The following WDFY3 variants were observed in gnomAD, a reference collection of about 807,000 sequenced individuals.
The protein encoded by WDFY3 is WD repeat and FYVE domain-containing protein 3.
A neutral mutation model predicts 409.6 loss-of-function variants in WDFY3; 66 were observed. The observed-to-expected ratio is 0.16, with a 90% confidence interval of 0.13 to 0.20. The LOEUF is 0.20. Among genes scored for constraint, WDFY3 ranks in the 10% least tolerant of loss-of-function variants. The pLI, the probability that WDFY3 is intolerant of heterozygous loss-of-function variation, is 1.00. For synonymous variants in WDFY3, 1,521 were observed against 1,537.1 expected, an observed-to-expected ratio of 0.99 and a Z score of 0.25; for missense variants, 3,031 against 4,298.1, an observed-to-expected ratio of 0.71 and a Z score of 8.24.
chr4:84,696,313 CTTAT>C (rs1479921461), intron 57 of WDFY3, 131 bp from the exon 58 acceptor site: 244 of 811,002 alleles, frequency 3.0e-4, no homozygotes, highest in Middle Eastern at 1.6e-3. Context: ...GTATTCCCCT[CTTAT>C]TTGTGGTTTC....
chr4:84,915,247 T>C (rs192755778), intron 2 of WDFY3, among the ~76,000 whole-genome samples: 34 of 152,320 alleles, frequency 2.2e-4, no homozygotes, highest in Admixed American at 5.2e-4. Context: ...CGGAAATAGA[T>C]AGTGGTGATG....
At chr4:84,868,979 TA>T (rs1578898196) in intron 3 of WDFY3, among the ~76,000 whole-genome samples, 2 of 152,348 alleles carry the variant, frequency 1.3e-5, no homozygotes, top group East Asian at 3.9e-4. Context: ...AGGATTCTTG[TA>T]ACGCAATACT....
intron 4 of WDFY3, among the ~76,000 whole-genome samples, chr4:84,856,668 C>T (rs1759801644): frequency 6.6e-6 from 1 of 152,094 alleles, no homozygotes. Flanking sequence ...ATTTCCCAAC[C>T]CATGTCTCTC....
At chr4:84,752,863 T>C (rs560895586) in intron 35 of WDFY3, among the ~76,000 whole-genome samples, 2 of 152,354 alleles carry the variant, frequency 1.3e-5, no homozygotes, top group Non-Finnish European at 2.9e-5. Context: ...AAACCTGTTT[T>C]ATGTTTACAG....
intron 35 of WDFY3, 121 bp downstream of exon 35, chr4:84,753,576 A>G: frequency 8.4e-7 from 1 of 1,188,696 alleles, no homozygotes; most frequent in South Asian, 2.1e-5. Flanking sequence ...AAAGTTATGA[A>G]ACTGTAACTT....
intron 5 of WDFY3, among the ~76,000 whole-genome samples, chr4:84,846,609 T>C (rs989164533): frequency 6.7e-6 from 1 of 148,730 alleles, no homozygotes; most frequent in African/African-American, 2.5e-5. Context: ...TAATCTAGTA[T>C]GTCATTCAAG....
intron 2 of WDFY3, among the ~76,000 whole-genome samples, chr4:84,903,132 AAG>A (rs1766564766): frequency 6.6e-6 from 1 of 152,204 alleles, no homozygotes; most frequent in African/African-American, 2.4e-5. Context: ...GGTCAGAAAA[AAG>A]AGAGTATCAG....
chr4:84,905,800 C>T (rs1200204195), intron 2 of WDFY3, among the ~76,000 whole-genome samples: 1 of 152,156 alleles, frequency 6.6e-6, no homozygotes, highest in African/African-American at 2.4e-5. Flanking sequence ...CAGACATCTC[C>T]AGGCATGCTT....
chr4:84,813,154 G>A (rs1752770357), intron 13 of WDFY3, among the ~76,000 whole-genome samples: 1 of 152,138 alleles, frequency 6.6e-6, no homozygotes, highest in South Asian at 2.1e-4. Flanking sequence ...ACATAGGTCT[G>A]TGGTATATGT....
chr4:84,951,178 T>C (rs1364847992), intron 1 of WDFY3, among the ~76,000 whole-genome samples: 2 of 152,232 alleles, frequency 1.3e-5, no homozygotes, highest in East Asian at 3.8e-4. Flanking sequence ...ATTTTATTAC[T>C]TGTTTATTTG....
chr4:84,807,843 T>C (rs527872838), intron 15 of WDFY3, among the ~76,000 whole-genome samples: 18 of 152,128 alleles, frequency 1.2e-4, no homozygotes, highest in Non-Finnish European at 2.5e-4. Context: ...AACAGCAACA[T>C]ACTTCAATTG....
chr4:84,775,484 T>C (rs533591850), intron 27 of WDFY3, among the ~76,000 whole-genome samples: 4 of 151,704 alleles, frequency 2.6e-5, no homozygotes, highest in Non-Finnish European at 5.9e-5. Flanking sequence ...ATGAAAAATA[T>C]ACTGGACGGC....
intron 55 of WDFY3, among the ~76,000 whole-genome samples, chr4:84,702,862 C>T (rs905209913): frequency 8.5e-5 from 13 of 152,072 alleles, no homozygotes; most frequent in African/African-American, 2.9e-4. Context: ...TTTCGGAGGC[C>T]GAGGCGGGCG....
At chr4:84,844,573 C>T in intron 5 of WDFY3, 2 of 1,243,712 alleles carry the variant, frequency 1.6e-6, no homozygotes, top group East Asian at 5.6e-5. Flanking sequence ...AATCCCACCA[C>T]AAGAGTACTG....
intron 43 of WDFY3, among the ~76,000 whole-genome samples, chr4:84,734,455 C>T (rs1041533352): frequency 1.8e-4 from 27 of 151,874 alleles, no homozygotes; most frequent in African/African-American, 5.3e-4. Flanking sequence ...GTGTTATATC[C>T]GTAAAATATT....
intron 21 of WDFY3, among the ~76,000 whole-genome samples, 181 bp downstream of exon 21, chr4:84,794,336 AAG>A (rs1467925323): frequency 6.6e-6 from 1 of 152,208 alleles, no homozygotes; most frequent in African/African-American, 2.4e-5. Flanking sequence ...ACTGTTTTGT[AAG>A]TCTCTTTTGA....
intron 23 of WDFY3, 24 bp from the exon 24 acceptor site, chr4:84,786,163 T>C (rs775968147): frequency 6.3e-7 from 1 of 1,575,616 alleles, no homozygotes; most frequent in Non-Finnish European, 8.6e-7. Flanking sequence ...ATAATTCTTT[T>C]CAAAATCATC....
Position 84,810,321 on chromosome 4 carries a change from T to C in WDFY3, c.1911A>G (p.Glu637=). The change falls in exon 14 of 68, where the codon GAA becomes GAG. Residue 637 remains glutamate (E), a synonymous_variant. Transcript: ENST00000295888. ...TAAAAACTGTTCTTGAACGATGGCTTTCTCGAAGGACCGACAGGAGGGCCT... is the reference window on the plus strand; with the variant it reads ...TAAAAACTGTTCTTGAACGATGGCTCTCTCGAAGGACCGACAGGAGGGCCT... The part of the protein sequence containing the change: ...ILRALLSVLR[E]SHRSRTVFRK... 1 of 1,609,686 alleles carries C rather than the reference T, an allele frequency of 6.2e-7. No homozygotes were observed. The highest frequency in any genetic ancestry group is 8.5e-7 in the Non-Finnish European group (1 of 1,178,166).
chr4:84,921,300 T>C (rs865866043), intron 2 of WDFY3, among the ~76,000 whole-genome samples: 3 of 149,864 alleles, frequency 2.0e-5, no homozygotes, highest in Non-Finnish European at 4.4e-5. Context: ...ATTAAAAGCA[T>C]AGAAGGGAAA....
Sources: gnomAD v4.1 joint callset for allele counts (sites outside exome capture counted in the v4.1 genomes callset) on GRCh38, gnomAD v4.1.1 for gene constraint, MANE v1.5 for transcripts, NCBI Gene and HGNC (gene_info 2026-07-23, HGNC 2026-07-21) for gene names.